The following SPG11 variants were observed in gnomAD, a reference collection of about 807,000 sequenced individuals.
SPG11 encodes the protein spatacsin.
SPG11 carries 222 observed loss-of-function variants against 274.0 expected under a neutral mutation model. That is an observed-to-expected ratio of 0.81 (90% confidence interval 0.73 to 0.91). The LOEUF (loss-of-function observed/expected upper bound fraction) is 0.91, where lower values mean the gene tolerates loss of function less well. Ranked by LOEUF, SPG11 falls within the 40% of genes least tolerant of loss-of-function variation. The pLI, the probability that SPG11 is intolerant of heterozygous loss-of-function variation, is 0.00. For synonymous variants in SPG11, 1,144 were observed against 1,039.7 expected (o/e 1.10, Z -1.93); for missense variants, 3,114 against 2,872.7 (o/e 1.08, Z -1.92).
intron 28 of SPG11, among the ~76,000 whole-genome samples, chr15:44,587,718 A>AAAAAAAAAAAAAAAC (rs1567141736): frequency 2.6e-4 from 39 of 148,726 alleles, no homozygotes; most frequent in African/African-American, 9.8e-4. Flanking sequence ...AAAAAAAAAA[A>AAAAAAAAAAAAAAAC]AACGTATTCC....
At chr15:44,605,435 T>C (rs1291998154) in intron 20 of SPG11, among the ~76,000 whole-genome samples, 1 of 152,120 alleles carries the variant, frequency 6.6e-6, no homozygotes, top group Non-Finnish European at 1.5e-5. Flanking sequence ...TTTAGGGTAA[T>C]ATAGGCAGAG....
chr15:44,595,720 G>C (rs975973959), intron 25 of SPG11, among the ~76,000 whole-genome samples: 4 of 152,206 alleles, frequency 2.6e-5, no homozygotes, highest in Admixed American at 2.6e-4. Context: ...AATCATAAGA[G>C]AGTAGGATTG....
intron 36 of SPG11, among the ~76,000 whole-genome samples, 160 bp from the exon 37 acceptor site, chr15:44,566,465 T>A (rs952007309): frequency 6.6e-6 from 1 of 152,198 alleles, no homozygotes; most frequent in African/African-American, 2.4e-5. Context: ...CAGAAATGCA[T>A]ACGCTTATTG....
chr15:44,579,454 G>C (rs2082614311), intron 30 of SPG11, among the ~76,000 whole-genome samples: 1 of 149,608 alleles, frequency 6.7e-6, no homozygotes, highest in Non-Finnish European at 1.5e-5. Flanking sequence ...TTGAACCCAG[G>C]AGGCAGAGGC....
At position 44,612,300 on chromosome 15, in the gene SPG11, C is replaced by A. The variant is rs1051230283; in HGVS notation, c.3145+1130G>T. 5.3e-5 allele frequency among the ~76,000 whole-genome samples: 8 copies of A among 152,260 alleles called. 1 individual carries two copies. Among genetic ancestry groups the A allele is most frequent in the Admixed American group, 3.9e-4 (6 of 15,290 alleles). Reference sequence around the variant, plus strand: ...ATAGAGACTAAGTTTTTAAAAAGTACAGTGAAGATAACTGGAACAAAATAC... The same window carrying A: ...ATAGAGACTAAGTTTTTAAAAAGTAAAGTGAAGATAACTGGAACAAAATAC... On this transcript the variant is annotated intron_variant, in intron 17 of 39. Coordinates refer to ENST00000261866, the MANE Select transcript of SPG11 (RefSeq NM_025137.4).
intron 7 of SPG11, among the ~76,000 whole-genome samples, chr15:44,633,987 C>T (rs747130475): frequency 8.6e-5 from 13 of 151,946 alleles, no homozygotes; most frequent in East Asian, 3.9e-4. Context: ...TACAGGTGCC[C>T]GCCACCATGT....
chr15:44,634,913 A>G (rs529075467), intron 7 of SPG11, among the ~76,000 whole-genome samples: 6 of 152,294 alleles, frequency 3.9e-5, no homozygotes, highest in South Asian at 2.1e-4. Context: ...AAAATAAAAT[A>G]AACATTTTTT....
intron 31 of SPG11, among the ~76,000 whole-genome samples, chr15:44,574,068 A>G (rs1292870844): frequency 2.6e-5 from 4 of 152,234 alleles, no homozygotes; most frequent in Non-Finnish European, 4.4e-5. Context: ...CAATGGCACA[A>G]TCTTGGCTCA....
intron 15 of SPG11, among the ~76,000 whole-genome samples, chr15:44,617,530 A>G (rs2083620180): frequency 6.6e-6 from 1 of 152,206 alleles, no homozygotes; most frequent in African/African-American, 2.4e-5. Context: ...TAAAATGATC[A>G]TACAGGTATA....
intron 7 of SPG11, among the ~76,000 whole-genome samples, chr15:44,636,925 C>CAAAAAAAAAAAAAAAAAAAACAAAAAAA (rs2084276545): frequency 5.1e-5 from 1 of 19,454 alleles, no homozygotes; most frequent in African/African-American, 3.1e-4. Context: ...GACTCCATCT[C>CAAAAAAAAAAAAAAAAAAAACAAAAAAA]AAAAAAAAAA....
chr15:44,599,178 A>G (rs1030900452), intron 21 of SPG11, among the ~76,000 whole-genome samples: 1 of 152,248 alleles, frequency 6.6e-6, no homozygotes, highest in African/African-American at 2.4e-5. Context: ...ACAAACTACG[A>G]AGAATATCAA....
intron 30 of SPG11, among the ~76,000 whole-genome samples, chr15:44,581,346 A>G (rs928452123): frequency 1.3e-5 from 2 of 152,002 alleles, no homozygotes; most frequent in Non-Finnish European, 2.9e-5. Flanking sequence ...AGCTGGGACT[A>G]CAGGCATGTG....
rs944209505 is a variant in SPG11 at position 44,587,650 on chromosome 15, C to T, written c.4906+1602G>A. Among the ~76,000 whole-genome samples the T allele has an allele frequency of 3.9e-5, 5 of 126,878 alleles. No homozygotes were observed. The Admixed American group carries it at 4.9e-4, about 12-fold the overall frequency. The allele number at this position is 126,878 out of a possible 152,430, so 83.2% of individuals were successfully genotyped here. A position where few individuals can be genotyped will look rare whatever the true frequency, so the allele number is the denominator to read the frequency against. ...GGTTGCAGTTGCAGTGAGCTGAGAA[C>T]GTGCCACTGCACTCCAGCTTGGGCA... On this transcript the variant is annotated intron_variant, in intron 28 of 39. Coordinates refer to ENST00000261866, the MANE Select transcript of SPG11 (RefSeq NM_025137.4).
In SPG11 at chr15:44,581,597, TAA is replaced by T. The variant is rs201318366; in HGVS notation, c.5866+2215_5866+2216del. On this transcript the variant is annotated intron_variant, in intron 30 of 39. Transcript: ENST00000261866. ...TCTCAGATGATGAAAAACTGATTAT[TAA>T]AAAAAAAAAAAAGGCTGGGCGTGGT... Among the ~76,000 whole-genome samples the T allele has an allele frequency of 7.4e-5, 10 of 134,234 alleles. No homozygotes were observed. In the East Asian group the frequency reaches 8.7e-4, roughly 12 times the overall value. 88.1% of individuals were successfully genotyped at this position (134,234 alleles called of 152,430 possible). A position where few individuals can be genotyped will look rare whatever the true frequency, so the allele number is the denominator to read the frequency against.
At position 44,648,907 on chromosome 15, in the gene SPG11, T is replaced by A; in HGVS notation, c.1561A>T (p.Asn521Tyr). 1 of 1,613,314 alleles carries A rather than the reference T, an allele frequency of 6.2e-7. No individual in the cohort carries two copies. Among genetic ancestry groups the A allele is most frequent in the Non-Finnish European group, 8.5e-7 (1 of 1,179,306 alleles). ...ASTVDTLCHLNGWGRCSIPIH... is the reference protein window; with the variant it reads ...ASTVDTLCHLYGWGRCSIPIH... ...GGAATTGAGCACCTTCCCCAGCCAT[T>A]GAGATGACAAAGAGTGTCCACAGTG... The change falls in exon 7 of 40, where the codon AAT becomes TAT. Residue 521 changes from asparagine (N) to tyrosine (Y), a missense_variant. Transcript: ENST00000261866.
chr15:44,663,357 TC>T, intron 1 of SPG11, 33 bp downstream of exon 1: 1 of 1,596,046 alleles, frequency 6.3e-7, no homozygotes, highest in Non-Finnish European at 8.5e-7. Flanking sequence ...GGCTCTGGAC[TC>T]CCCCAACGGC....
rs1453313406 is a variant in SPG11 at position 44,596,194 on chromosome 15, T to C, written c.4323A>G (p.Leu1441=). The part of the protein sequence containing the change: ...LQGSKQEMTD[L]FEILLQCSEE... ...CTGAGCATTGGAGCAGAATTTCAAA[T>C]AAATCGGTCATCTCTTGTTTGCTTC... Residue 1441 remains leucine (L), a synonymous_variant, in exon 25 of 40, where the codon TTA becomes TTG. Transcript: ENST00000261866. The C allele has an allele frequency of 6.2e-7, 1 of 1,614,076 alleles. No individual in the cohort carries two copies. The highest frequency in any genetic ancestry group is 1.3e-5 in the African/African-American group (1 of 74,926).
chr15:44,567,581 C>T lies in SPG11; in HGVS notation c.6597G>A (p.Leu2199=). Residue 2199 remains leucine, a synonymous_variant, in exon 36 of 40, where the codon CTG becomes CTA. Transcript: ENST00000261866. ...MRKKLDPSGT[L]KTALLDYIKR... ...TGATGTAGTCCAGCAGGGCTGTTTT[C>T]AGGGTACCACTCTGCCCAGAATAAA... 2 of 1,613,998 alleles carry T rather than the reference C, an allele frequency of 1.2e-6. No homozygotes were observed. The highest frequency in any genetic ancestry group is 8.5e-7 in the Non-Finnish European group (1 of 1,179,974).
intron 8 of SPG11, 35 bp downstream of exon 8, chr15:44,633,470 A>G (rs1181626604): frequency 6.5e-7 from 1 of 1,530,936 alleles, no homozygotes; most frequent in Admixed American, 1.8e-5. Flanking sequence ...AGATCAAATG[A>G]TAAATACAAA....
Sources: gnomAD v4.1 joint callset for allele counts (sites outside exome capture counted in the v4.1 genomes callset) on GRCh38, gnomAD v4.1.1 for gene constraint, MANE v1.5 for transcripts, NCBI Gene and HGNC (gene_info 2026-07-23, HGNC 2026-07-21) for gene names.